ADGRB3: variants seen among roughly 807,000 people sequenced by gnomAD.
ADGRB3 encodes brain-specific angiogenesis inhibitor 3.
ADGRB3 carries 37 observed loss-of-function variants against 193.4 expected under a neutral mutation model. The ratio of observed to expected loss-of-function variants is 0.19; its 90% CI spans 0.15 to 0.25. ADGRB3 has a LOEUF of 0.25. ADGRB3 is among the 10% of genes least tolerant of loss of function. ADGRB3 has a pLI of 1.00. For synonymous variants in ADGRB3, 690 were observed against 644.2 expected, an observed-to-expected ratio of 1.07 and a Z score of -1.08; for missense variants, 1,637 against 1,852.9, an observed-to-expected ratio of 0.88 and a Z score of 2.14.
At chr6:68,980,554 T>A (rs1022196111) in intron 10 of ADGRB3, among the ~76,000 whole-genome samples, 1 of 151,650 alleles carries the variant, frequency 6.6e-6, no homozygotes, top group African/African-American at 2.4e-5. Context: ...ATTTTATTAC[T>A]TCAGCTTATT....
intron 30 of ADGRB3, among the ~76,000 whole-genome samples, chr6:69,378,137 G>A (rs1292896327): frequency 6.6e-6 from 1 of 152,032 alleles, no homozygotes; most frequent in Non-Finnish European, 1.5e-5. Context: ...ATAAGCAATT[G>A]TCCAGGAACT....
At chr6:68,800,259 G>T (rs189804954) in intron 3 of ADGRB3, among the ~76,000 whole-genome samples, 2 of 152,128 alleles carry the variant, frequency 1.3e-5, no homozygotes, top group Non-Finnish European at 2.9e-5. Flanking sequence ...TTGGGCCTGA[G>T]CAATTGAAGT....
intron 20 of ADGRB3, among the ~76,000 whole-genome samples, chr6:69,259,724 A>T (rs1029494635): frequency 1.6e-4 from 24 of 151,220 alleles, no homozygotes; most frequent in African/African-American, 5.1e-4. Context: ...AAAAATTCTA[A>T]AATGAAAATG....
intron 17 of ADGRB3, among the ~76,000 whole-genome samples, chr6:69,139,134 G>A (rs569859457): frequency 5.1e-4 from 77 of 152,244 alleles, no homozygotes; most frequent in Admixed American, 1.6e-3. Context: ...GTACCTGGTC[G>A]CACTTGATAG....
intron 29 of ADGRB3, among the ~76,000 whole-genome samples, chr6:69,370,022 A>G (rs775589647): frequency 6.6e-6 from 1 of 152,090 alleles, no homozygotes; most frequent in Non-Finnish European, 1.5e-5. Flanking sequence ...TTTTACTGTA[A>G]CATATCACTC....
intron 13 of ADGRB3, among the ~76,000 whole-genome samples, chr6:69,019,734 C>A (rs1194139920): frequency 1.3e-5 from 2 of 151,894 alleles, no homozygotes; most frequent in Admixed American, 1.3e-4. Flanking sequence ...ATTGGAGGGC[C>A]CACACTTTTC....
intron 5 of ADGRB3, among the ~76,000 whole-genome samples, chr6:68,939,205 G>T (rs1005165752): frequency 5.9e-5 from 9 of 152,102 alleles, no homozygotes; most frequent in Non-Finnish European, 1.5e-5. Flanking sequence ...ATAACTTAAA[G>T]ATTTTTAAAT....
chr6:68,927,814 G>A (rs932983769), intron 3 of ADGRB3, among the ~76,000 whole-genome samples: 2 of 151,842 alleles, frequency 1.3e-5, no homozygotes, highest in Non-Finnish European at 1.5e-5. Flanking sequence ...AGTTACATCA[G>A]GACCTCATAT....
At chr6:69,298,215 A>G (rs1708703544) in intron 20 of ADGRB3, among the ~76,000 whole-genome samples, 2 of 152,042 alleles carry the variant, frequency 1.3e-5, no homozygotes, top group Non-Finnish European at 2.9e-5. Flanking sequence ...AGGTGAGCCA[A>G]TGGAACATTG....
chr6:68,805,051 C>A (rs562640656), intron 3 of ADGRB3, among the ~76,000 whole-genome samples: 2 of 152,160 alleles, frequency 1.3e-5, no homozygotes, highest in African/African-American at 4.8e-5. Context: ...CCTCAGCCTC[C>A]GAAGTACTTG....
At chr6:69,311,813 C>G (rs1053914927) in intron 20 of ADGRB3, among the ~76,000 whole-genome samples, 2 of 151,738 alleles carry the variant, frequency 1.3e-5, no homozygotes, top group African/African-American at 4.8e-5. Flanking sequence ...TCAATTGTCT[C>G]TCACTCCTGA....
chr6:69,240,613 C>T (rs1319473382), intron 20 of ADGRB3, among the ~76,000 whole-genome samples: 1 of 150,754 alleles, frequency 6.6e-6, no homozygotes, highest in East Asian at 2.0e-4. Flanking sequence ...AAATGACCAA[C>T]AGAATAAAAA....
chr6:68,676,084 A>G (rs1473668800), intron 3 of ADGRB3, among the ~76,000 whole-genome samples: 1 of 152,184 alleles, frequency 6.6e-6, no homozygotes, highest in African/African-American at 2.4e-5. Context: ...CAACTTAAAT[A>G]GTACTGTTCT....
intron 13 of ADGRB3, among the ~76,000 whole-genome samples, chr6:69,024,031 A>G (rs1026460218): frequency 3.4e-5 from 5 of 147,606 alleles, no homozygotes; most frequent in African/African-American, 1.2e-4. Flanking sequence ...AGAGGAGTCA[A>G]ATCTATAAAT....
At chr6:69,217,591 G>C (rs1279381729) in intron 17 of ADGRB3, among the ~76,000 whole-genome samples, 1 of 152,170 alleles carries the variant, frequency 6.6e-6, no homozygotes, top group Non-Finnish European at 1.5e-5. Context: ...TGCAAGGAAA[G>C]GAAGCAGGGT....
At chr6:69,211,576 A>G (rs1411658493) in intron 17 of ADGRB3, among the ~76,000 whole-genome samples, 3 of 152,088 alleles carry the variant, frequency 2.0e-5, no homozygotes, top group Admixed American at 6.5e-5. Context: ...AAAGAGGCCA[A>G]CTCTAACAAG....
At chr6:69,380,996 G>T (rs1399628058) in intron 30 of ADGRB3, among the ~76,000 whole-genome samples, 2 of 151,862 alleles carry the variant, frequency 1.3e-5, no homozygotes, top group East Asian at 3.9e-4. Flanking sequence ...TTGTAAGTTA[G>T]AAGCACACCC....
At chr6:68,720,415 C>G (rs1765556701) in intron 3 of ADGRB3, among the ~76,000 whole-genome samples, 1 of 151,656 alleles carries the variant, frequency 6.6e-6, no homozygotes, top group African/African-American at 2.4e-5. Flanking sequence ...TAACCTTGGG[C>G]TTTTTAATTT....
At chr6:69,278,058 C>G (rs1220826696) in intron 20 of ADGRB3, among the ~76,000 whole-genome samples, 2 of 152,132 alleles carry the variant, frequency 1.3e-5, no homozygotes, top group Non-Finnish European at 2.9e-5. Context: ...ACATAAGGTG[C>G]TTTTCTTCTT....
Sources: allele counts gnomAD v4.1 joint callset (sites outside exome capture counted in the v4.1 genomes callset), GRCh38; gene constraint gnomAD v4.1.1; transcripts MANE v1.5; gene names NCBI Gene and HGNC (gene_info 2026-07-23, HGNC 2026-07-21).